Variants in PAQR3 observed in about 807,000 individuals in gnomAD.
PAQR3 encodes Raf kinase trapping to Golgi.
PAQR3 carries 39 observed loss-of-function variants against 41.7 expected under a neutral mutation model. The ratio of observed to expected loss-of-function variants is 0.93; its 90% confidence interval spans 0.72 to 1.22. The LOEUF (loss-of-function observed/expected upper bound fraction) is 1.22, where lower values mean the gene tolerates loss of function less well. Among genes scored for constraint, PAQR3 ranks in the 50% most tolerant of loss-of-function variants. The pLI is 0.00. For missense variants in PAQR3, 366 were observed against 385.6 expected (o/e 0.95, Z 0.42); for synonymous variants, 140 against 140.6 (o/e 1.00, Z 0.03).
chr4:78,895,826 A>G (rs1733672637), intron 11 of PAQR3, among the ~76,000 whole-genome samples: 1 of 152,104 alleles, frequency 6.6e-6, no homozygotes, highest in Non-Finnish European at 1.5e-5. Flanking sequence ...CAGTGGCATG[A>G]TCACGGTTCA....
At chr4:78,889,055 A>G (rs965401973) in intron 11 of PAQR3, among the ~76,000 whole-genome samples, 3 of 152,078 alleles carry the variant, frequency 2.0e-5, no homozygotes, top group South Asian at 2.1e-4. Context: ...CCCCATCTCT[A>G]CTAAAAATAC....
chr4:78,911,851 C>T (rs757576380), downstream of PAQR3: 22 of 1,613,974 alleles, frequency 1.4e-5, 1 homozygote, highest in Middle Eastern at 1.7e-4. Context: ...CCTGCCAGGG[C>T]GGCCAAGACA....
downstream of PAQR3, chr4:78,911,743 T>C (rs1734625437): frequency 1.9e-6 from 3 of 1,613,960 alleles, no homozygotes; most frequent in East Asian, 6.7e-5. Flanking sequence ...GGAGAGCCTG[T>C]TGGACCCCTT....
At chr4:78,933,250 C>T (rs1311357546) in intron 2 of PAQR3, 3 of 456,102 alleles carry the variant, frequency 6.6e-6, no homozygotes, top group Admixed American at 2.3e-5. Flanking sequence ...ATATAGGACA[C>T]ATTCAACAAA....
intron 11 of PAQR3, among the ~76,000 whole-genome samples, chr4:78,889,382 G>T (rs1178619601): frequency 6.6e-6 from 1 of 152,052 alleles, no homozygotes; most frequent in Non-Finnish European, 1.5e-5. Context: ...CGTCTCCTGA[G>T]AAAGAAGAAA....
At chr4:78,920,963 C>T (rs1259916750) in intron 5 of PAQR3, among the ~76,000 whole-genome samples, 1 of 151,910 alleles carries the variant, frequency 6.6e-6, no homozygotes, top group Non-Finnish European at 1.5e-5. Context: ...ATGCCTCCCA[C>T]ATCTCAACTC....
At chr4:78,936,016 G>A (rs1226214795) in intron 1 of PAQR3, among the ~76,000 whole-genome samples, 1 of 152,110 alleles carries the variant, frequency 6.6e-6, no homozygotes, top group Non-Finnish European at 1.5e-5. Flanking sequence ...ACTGGACTTG[G>A]CAGCACAGGT....
At chr4:78,905,372 T>C (rs998669930) in intron 11 of PAQR3, among the ~76,000 whole-genome samples, 3 of 151,876 alleles carry the variant, frequency 2.0e-5, no homozygotes, top group African/African-American at 7.2e-5. Flanking sequence ...CATCAAAATA[T>C]CATTCTACCA....
chr4:78,918,206 TTTTTAGTAATAA>T lies in PAQR3; in HGVS notation c.*2321_*2332del. ...ACATTGGTAAAATTAAAACCAGTCT[TTTTTAGTAATAA>T]AACTGGATAGTATATTTTAATCTTA... is the stretch of plus-strand genomic sequence containing the variant. On this transcript the variant is annotated 3_prime_UTR_variant, in exon 6 of 6. Coordinates refer to ENST00000512733, the MANE Select transcript of PAQR3 (RefSeq NM_001040202.2). 1 of 926,086 alleles carries T rather than the reference TTTTTAGTAATAA, an allele frequency of 1.1e-6. No homozygotes were observed. The allele number at this position is 926,086 out of a possible 1,614,324, so 57.4% of individuals were successfully genotyped here.
rs1365982653 is a variant in PAQR3 at position 78,912,881 on chromosome 4, C to T, written c.*7658G>A. 2 of 152,120 alleles carry T rather than the reference C, an allele frequency of 1.3e-5. No homozygotes were observed. The highest frequency in any genetic ancestry group is 2.9e-5 in the Non-Finnish European group (2 of 68,012). 9.4% of individuals were successfully genotyped at this position (152,120 alleles called of 1,614,324 possible). ...AAAAAGATACAGAACAGAAAACATT[C>T]ACTACTTTAGAAACACTTTATGCAT... is the stretch of plus-strand genomic sequence containing the variant. On this transcript the variant is annotated 3_prime_UTR_variant, in exon 6 of 6. Transcript: ENST00000512733.
chr4:78,912,152 T>C lies in PAQR3; in HGVS notation c.*8387A>G, dbSNP rs548139434. 11 of 908,466 alleles carry C rather than the reference T, an allele frequency of 1.2e-5. No homozygotes were observed. The Admixed American group carries it at 2.7e-4, about 22-fold the overall frequency. The allele number at this position is 908,466 out of a possible 1,614,324, so 56.3% of individuals were successfully genotyped here. A position where few individuals can be genotyped will look rare whatever the true frequency, so the allele number is the denominator to read the frequency against. On this transcript the variant is annotated 3_prime_UTR_variant, in exon 6 of 6. Coordinates refer to ENST00000512733, the MANE Select transcript of PAQR3 (RefSeq NM_001040202.2). Reference sequence around the variant, plus strand: ...ATTCATTCTTAAAGATCAGTCAGAATAGGTGATTTCTAAATAAACCAAATA... The same window carrying C: ...ATTCATTCTTAAAGATCAGTCAGAACAGGTGATTTCTAAATAAACCAAATA...
chr4:78,895,529 A>G (rs1196917136), intron 11 of PAQR3, among the ~76,000 whole-genome samples: 1 of 152,254 alleles, frequency 6.6e-6, no homozygotes, highest in East Asian at 1.9e-4. Context: ...AAATGATACT[A>G]GAAGAAATAA....
At chr4:78,897,381 GT>G (rs1368502866) in intron 11 of PAQR3, among the ~76,000 whole-genome samples, 3 of 151,940 alleles carry the variant, frequency 2.0e-5, no homozygotes, top group Non-Finnish European at 2.9e-5. Context: ...ATTTAGTGCT[GT>G]TTTTAAAATG....
At chr4:78,889,970 C>T (rs927008272) in intron 11 of PAQR3, among the ~76,000 whole-genome samples, 5 of 152,172 alleles carry the variant, frequency 3.3e-5, no homozygotes, top group Non-Finnish European at 7.3e-5. Context: ...GTTCCTTACA[C>T]TGGTTTTATT....
rs918847671 is a variant in PAQR3 at position 78,916,119 on chromosome 4, G to A, written c.*4420C>T. Reference sequence around the variant, plus strand: ...AACTTCAGTCCTCAAATATAGCTGGGAAACAATTATGAGATAGACTCAGTC... The same window carrying A: ...AACTTCAGTCCTCAAATATAGCTGGAAAACAATTATGAGATAGACTCAGTC... On this transcript the variant is annotated 3_prime_UTR_variant, in exon 6 of 6. Coordinates refer to ENST00000512733, the MANE Select transcript of PAQR3 (RefSeq NM_001040202.2). 2 of 151,716 alleles carry A rather than the reference G, an allele frequency of 1.3e-5. No homozygotes were observed. The highest frequency in any genetic ancestry group is 6.6e-5 in the Admixed American group (1 of 15,184). The allele number at this position is 151,716 out of a possible 1,614,324, so 9.4% of individuals were successfully genotyped here.
In PAQR3 at chr4:78,917,146, T is replaced by C. The variant is rs1429432923; in HGVS notation, c.*3393A>G. 3.9e-5 allele frequency: 6 copies of C among 152,148 alleles called. No individual in the cohort carries two copies. 9.4% of individuals were successfully genotyped at this position (152,148 alleles called of 1,614,324 possible). ...TGAATATATGCTGCAATTTGAGCTA[T>C]TTATTTTGGATAACGAATACCTTTT... On this transcript the variant is annotated 3_prime_UTR_variant, in exon 6 of 6. Coordinates refer to ENST00000512733, the MANE Select transcript of PAQR3 (RefSeq NM_001040202.2).
chr4:78,935,180 A>T lies in PAQR3; in HGVS notation c.289T>A (p.Ser97Thr). ...AAATCTTCTCTGGACGCACTTGCTG[A>T]AGGTAACACAGATGTCATGTCATAT... ...GIYDMTSVLP[S>T]ASASREDFVI... is the part of the protein sequence containing the mutation. Residue 97 changes from serine (S) to threonine (T), a missense_variant, in exon 2 of 6, where the codon TCA becomes ACA. Transcript: ENST00000512733. 1 of 1,613,952 alleles carries T rather than the reference A, an allele frequency of 6.2e-7. No homozygotes were observed. Among genetic ancestry groups the T allele is most frequent in the Non-Finnish European group, 8.5e-7 (1 of 1,179,868 alleles).
intron 5 of PAQR3, chr4:78,921,858 A>G: frequency 2.0e-6 from 2 of 984,948 alleles, no homozygotes; most frequent in East Asian, 2.3e-4. Context: ...CCATATCTCC[A>G]CTGCTCTCAT....
downstream of PAQR3, chr4:78,911,722 T>A: frequency 6.2e-7 from 1 of 1,613,926 alleles, no homozygotes; most frequent in Non-Finnish European, 8.5e-7. Context: ...GGGGAATGTC[T>A]TACAACCTGA....
Sources: gnomAD v4.1 joint callset for allele counts (sites outside exome capture counted in the v4.1 genomes callset) on GRCh38, gnomAD v4.1.1 for gene constraint, MANE v1.5 for transcripts, NCBI Gene and HGNC (gene_info 2026-07-23, HGNC 2026-07-21) for gene names.